The following RRN3 variants were observed in gnomAD, a reference collection of about 807,000 sequenced individuals.
RRN3 encodes RNA polymerase I transcription factor RRN3.
Under a neutral mutation model 82.3 loss-of-function variants are expected in RRN3, and 38 were observed. The observed-to-expected ratio is 0.46, with a 90% CI of 0.36 to 0.61. The LOEUF is 0.61. RRN3 is among the 20% of genes least tolerant of loss of function. The probability of loss-of-function intolerance (pLI) is 0.00; values close to 1 mark genes in which losing one functional copy is unlikely to be tolerated. For synonymous variants in RRN3, 284 were observed against 284.3 expected (o/e 1.00, Z 0.01); for missense variants, 726 against 793.1 (o/e 0.92, Z 1.02).
intron 3 of RRN3, among the ~76,000 whole-genome samples, chr16:15,090,959 G>A (rs539674428): frequency 9.4e-5 from 14 of 149,540 alleles, no homozygotes; most frequent in African/African-American, 3.2e-4. Flanking sequence ...TAATCTAATA[G>A]AAAGGAAGCA....
intron 14 of RRN3, among the ~76,000 whole-genome samples, chr16:15,069,586 C>A (rs1220430251): frequency 2.0e-5 from 3 of 152,180 alleles, no homozygotes; most frequent in Non-Finnish European, 4.4e-5. Flanking sequence ...TAAACTCAAA[C>A]TTTAGGGTCA....
chr16:15,063,874 C>T (rs1221227698), intron 16 of RRN3, among the ~76,000 whole-genome samples: 3 of 152,010 alleles, frequency 2.0e-5, no homozygotes, highest in Admixed American at 1.3e-4. Context: ...CTAAACTTTA[C>T]AAAGACTCAC....
intron 11 of RRN3, among the ~76,000 whole-genome samples, chr16:15,073,365 A>AT (rs2045318862): frequency 1.3e-5 from 2 of 152,172 alleles, no homozygotes; most frequent in Non-Finnish European, 2.9e-5. Context: ...GCTGAGGCGG[A>AT]TGAACCGCTT....
At chr16:15,065,441 G>A in intron 15 of RRN3, 70 bp from the exon 16 acceptor site, 1 of 1,386,390 alleles carries the variant, frequency 7.2e-7, no homozygotes, top group East Asian at 2.3e-5. Context: ...GATGTGAGCT[G>A]CGTGTGACAA....
Position 15,061,773 on chromosome 16 carries a change from CG to C in RRN3, c.1926del (p.Val643CysfsTer15). The stretch of plus-strand genomic sequence containing the variant: ...AGGGGACTGGGTTGCATGTACAACA[CG>C]GGTGGGGAGCCCACACTACTTGAAG... ...RSPSSSVGSPPVLYMQPSPL is the reference protein window; with the variant it reads ...RSPSSSVGSPXVLYMQPSPL On this transcript the variant is annotated frameshift_variant, in exon 18 of 18. Transcript: ENST00000198767. LOFTEE classifies it high-confidence loss of function. The C allele has an allele frequency of 6.2e-7, 1 of 1,613,894 alleles. No individual in the cohort carries two copies. Among genetic ancestry groups the C allele is most frequent in the Non-Finnish European group, 8.5e-7 (1 of 1,179,776 alleles).
chr16:15,068,099 TTACAA>T, intron 15 of RRN3, 65 bp downstream of exon 15: 1 of 1,503,320 alleles, frequency 6.7e-7, no homozygotes, highest in South Asian at 1.2e-5. Context: ...TTTAACACTC[TTACAA>T]TACTAGATAA....
chr16:15,064,130 G>A (rs891175186), intron 16 of RRN3, among the ~76,000 whole-genome samples: 2 of 152,038 alleles, frequency 1.3e-5, no homozygotes, highest in African/African-American at 4.8e-5. Context: ...GGCTGGCCCA[G>A]TGGTTTTCTA....
At chr16:15,081,758 C>A (rs1056109721) in intron 8 of RRN3, among the ~76,000 whole-genome samples, 11 of 152,190 alleles carry the variant, frequency 7.2e-5, no homozygotes, top group Non-Finnish European at 1.2e-4. Flanking sequence ...AAACCAACAT[C>A]ATGAAAATGT....
At chr16:15,084,142 G>A (rs2045819188) in intron 7 of RRN3, among the ~76,000 whole-genome samples, 1 of 152,164 alleles carries the variant, frequency 6.6e-6, no homozygotes, top group African/African-American at 2.4e-5. Context: ...AAACATAACA[G>A]CACTTTTGCT....
chr16:15,077,124 C>T (rs1260431465), intron 9 of RRN3, among the ~76,000 whole-genome samples: 5 of 151,732 alleles, frequency 3.3e-5, no homozygotes, highest in Non-Finnish European at 7.4e-5. Context: ...GGATTACAGT[C>T]ATGTGCCACT....
intron 8 of RRN3, among the ~76,000 whole-genome samples, chr16:15,082,062 G>A (rs530820490): frequency 2.6e-5 from 4 of 152,314 alleles, no homozygotes; most frequent in Non-Finnish European, 5.9e-5. Flanking sequence ...GCAAAAGAGA[G>A]TTTACGCCTT....
chr16:15,089,605 C>T (rs8048552), intron 3 of RRN3, among the ~76,000 whole-genome samples: 9,165 of 150,648 alleles, frequency 0.061, 378 homozygotes, highest in Middle Eastern at 0.11. Flanking sequence ...TCGAGACCAT[C>T]CTGGCTAACA....
At chr16:15,079,873 A>C in intron 9 of RRN3, 125 bp downstream of exon 9, 8 of 1,121,806 alleles carry the variant, frequency 7.1e-6, no homozygotes, top group Non-Finnish European at 1.0e-5. Flanking sequence ...CTGGGAATAC[A>C]GGCGTGAGTC....
At chr16:15,090,877 T>G (rs550371687) in intron 3 of RRN3, among the ~76,000 whole-genome samples, 17 of 151,676 alleles carry the variant, frequency 1.1e-4, no homozygotes, top group South Asian at 4.2e-4. Context: ...TGGTTTGTTT[T>G]TTTTTTTTTT....
intron 3 of RRN3, among the ~76,000 whole-genome samples, chr16:15,089,946 C>T (rs1166950712): frequency 6.6e-6 from 1 of 151,810 alleles, no homozygotes; most frequent in African/African-American, 2.4e-5. Flanking sequence ...CAGTGGCTCA[C>T]ACTTGTAATC....
At chr16:15,089,786 C>CAAAAAAAAAAAAA (rs142235345) in intron 3 of RRN3, among the ~76,000 whole-genome samples, 2 of 66,580 alleles carry the variant, frequency 3.0e-5, no homozygotes, top group African/African-American at 7.0e-5. Context: ...GGCGACAGAG[C>CAAAAAAAAAAAAA]AAAAAAAAAA....
In RRN3 at chr16:15,064,545, T is replaced by A. The variant is rs138424484; in HGVS notation, c.1706+674A>T. ...TCTCTAGAGGAAGGAACAAGACACT[T>A]GGCAGAAAATTATGAAGCAAGAAAA... On this transcript the variant is annotated intron_variant, in intron 16 of 17. Coordinates refer to ENST00000198767, the MANE Select transcript of RRN3 (RefSeq NM_018427.5). Among the ~76,000 whole-genome samples, 150 of 152,300 alleles carry A rather than the reference T, an allele frequency of 9.8e-4. 1 individual carries two copies. Among genetic ancestry groups the A allele is most frequent in the African/African-American group, 3.5e-3 (146 of 41,564 alleles).
At position 15,063,181 on chromosome 16, in the gene RRN3, C is replaced by G. The variant is rs1248390374; in HGVS notation, c.1794+15G>C. The G allele has an allele frequency of 1.1e-5, 17 of 1,534,666 alleles. No homozygotes were observed. The highest frequency in any genetic ancestry group is 1.4e-5 in the Non-Finnish European group (16 of 1,107,344). On this transcript the variant is annotated intron_variant, in intron 17 of 17. Transcript: ENST00000198767. ...AGGAGATTCCGAGAGTGTGCTCAAT[C>G]AATCACAAACTGACCTTTTTCATGG...
chr16:15,061,683 T>G lies in RRN3; in HGVS notation c.*61A>C. The stretch of plus-strand genomic sequence containing the variant: ...ATGCCCAATGGCACAAGCTGGGTGC[T>G]GAGGGCATGACAAGTGATGGGGAAT... On this transcript the variant is annotated 3_prime_UTR_variant, in exon 18 of 18. Coordinates refer to ENST00000198767, the MANE Select transcript of RRN3 (RefSeq NM_018427.5). The G allele has an allele frequency of 1.3e-6, 2 of 1,518,584 alleles. No individual in the cohort carries two copies. The highest frequency in any genetic ancestry group is 2.4e-5 in the South Asian group (2 of 84,948). The allele number at this position is 1,518,584 out of a possible 1,614,324, so 94.1% of individuals were successfully genotyped here.
Sources: gnomAD v4.1 joint callset for allele counts (sites outside exome capture counted in the v4.1 genomes callset) on GRCh38, gnomAD v4.1.1 for gene constraint, MANE v1.5 for transcripts, NCBI Gene and HGNC (gene_info 2026-07-23, HGNC 2026-07-21) for gene names.